Variants in PCMTD2 observed in about 807,000 individuals in gnomAD.
PCMTD2 encodes the protein protein-L-isoaspartate O-methyltransferase domain-containing protein 2.
A neutral mutation model predicts 33.4 loss-of-function variants in PCMTD2; 16 were observed. The ratio of observed to expected loss-of-function variants is 0.48; its 90% CI spans 0.32 to 0.73. The LOEUF (loss-of-function observed/expected upper bound fraction) is 0.73, where lower values mean the gene tolerates loss of function less well. PCMTD2 is among the 30% of genes least tolerant of loss of function. PCMTD2 has a pLI of 0.03. For missense variants in PCMTD2, 374 were observed against 449.9 expected (o/e 0.83, Z 1.53); for synonymous variants, 161 against 160.8 (o/e 1.00, Z -0.01).
chr20:64,258,912 G>A (rs1014271248), intron 1 of PCMTD2: 1 of 152,320 alleles, frequency 6.6e-6, no homozygotes, highest in South Asian at 2.1e-4. Context: ...GGATATTTTT[G>A]TAGTTTTAAG....
chr20:64,269,428 G>C (rs548491718), intron 5 of PCMTD2, among the ~76,000 whole-genome samples: 1 of 152,202 alleles, frequency 6.6e-6, no homozygotes, highest in African/African-American at 2.4e-5. Flanking sequence ...GGGCAGTTTG[G>C]ATGCTTGTTT....
chr20:64,259,592 G>A (rs1184130952), intron 1 of PCMTD2, among the ~76,000 whole-genome samples: 2 of 152,032 alleles, frequency 1.3e-5, no homozygotes, highest in African/African-American at 4.8e-5. Context: ...GTTTCACCAT[G>A]TTGGCCAGGC....
chr20:64,259,616 C>T (rs1985316549), intron 1 of PCMTD2, among the ~76,000 whole-genome samples: 1 of 152,086 alleles, frequency 6.6e-6, no homozygotes, highest in African/African-American at 2.4e-5. Flanking sequence ...TCTTGAACTC[C>T]TGACCTCAGG....
rs143358137 is a variant in PCMTD2 at position 64,267,952 on chromosome 20, T to G, written c.648T>G (p.Phe216Leu). The G allele has an allele frequency of 6.2e-7, 1 of 1,613,658 alleles. No individual in the cohort carries two copies. Among genetic ancestry groups the G allele is most frequent in the Admixed American group, 1.7e-5 (1 of 60,012 alleles). Residue 216 changes from phenylalanine (F) to leucine (L), a missense_variant, in exon 5 of 6, where the codon TTT (phenylalanine) becomes TTG (leucine). Coordinates refer to ENST00000308824, the MANE Select transcript of PCMTD2 (RefSeq NM_018257.3). ...CCAAAAAGATTCTTGCTGTTTCTTT[T>G]GCTCCTCTGATCCAGCCCTGCCATT... Reference protein sequence around the residue: ...WETKKILAVSFAPLIQPCHSE... With the variant: ...WETKKILAVSLAPLIQPCHSE...
intron 5 of PCMTD2, among the ~76,000 whole-genome samples, chr20:64,268,574 T>A (rs946104628): frequency 2.0e-5 from 3 of 152,034 alleles, no homozygotes; most frequent in Non-Finnish European, 2.9e-5. Flanking sequence ...CAGCAAAACC[T>A]CCTAATGTTT....
intron 2 of PCMTD2, among the ~76,000 whole-genome samples, chr20:64,264,070 G>A (rs1033703187): frequency 1.3e-5 from 2 of 152,246 alleles, no homozygotes; most frequent in Non-Finnish European, 2.9e-5. Flanking sequence ...ACATCTGAGT[G>A]TTCTGGGCAA....
chr20:64,268,889 G>C (rs943969424), intron 5 of PCMTD2, among the ~76,000 whole-genome samples: 2 of 152,184 alleles, frequency 1.3e-5, no homozygotes, highest in Admixed American at 6.5e-5. Flanking sequence ...ATTTGATAAT[G>C]AGCAACAATA....
At chr20:64,261,593 G>T (rs532571716) in intron 2 of PCMTD2, among the ~76,000 whole-genome samples, 1 of 124,704 alleles carries the variant, frequency 8.0e-6, no homozygotes, top group African/African-American at 3.3e-5. Flanking sequence ...GATATGGAAT[G>T]ATAATTTTGT....
Position 64,273,560 on chromosome 20 carries a change from A to G in PCMTD2, c.1046A>G (p.Asp349Gly), listed in dbSNP as rs1371314862. 6.5e-7 allele frequency: 1 copy of G among 1,531,658 alleles called. No homozygotes were observed. Among genetic ancestry groups the G allele is most frequent in the East Asian group, 2.3e-5 (1 of 44,316 alleles). 94.9% of individuals were successfully genotyped at this position (1,531,658 alleles called of 1,614,324 possible). ...RQKVLSLPLP[D>G]PLKYYLLYYR... Reference sequence around the variant, plus strand: ...AAGGTCCTGAGCCTCCCTCTGCCAGATCCCCTGAAATACTACTTGCTTTAT... The same window carrying G: ...AAGGTCCTGAGCCTCCCTCTGCCAGGTCCCCTGAAATACTACTTGCTTTAT... The change falls in exon 6 of 6, where the codon GAT becomes GGT. Residue 349 changes from aspartate to glycine, a missense_variant. Transcript: ENST00000308824.
Position 64,260,055 on chromosome 20 carries a change from G to T in PCMTD2, c.90G>T (p.Glu30Asp). ...EAQYIRTELV[E>D]QAFRAIDRAD... ...AGTATATCCGGACTGAGCTGGTAGA[G>T]CAGGCTTTCAGAGCTATCGATCGTG... is the stretch of plus-strand genomic sequence containing the variant. Residue 30 changes from glutamate (E) to aspartate (D), a missense_variant, in exon 2 of 6, where the codon GAG becomes GAT. Transcript: ENST00000308824. 6.2e-7 allele frequency: 1 copy of T among 1,611,260 alleles called. No individual in the cohort carries two copies. Among genetic ancestry groups the T allele is most frequent in the Non-Finnish European group, 8.5e-7 (1 of 1,177,362 alleles).
At chr20:64,263,502 A>G (rs1008230819) in intron 2 of PCMTD2, among the ~76,000 whole-genome samples, 2 of 152,202 alleles carry the variant, frequency 1.3e-5, no homozygotes, top group African/African-American at 4.8e-5. Flanking sequence ...TCACTGTAGT[A>G]GTATATCTGT....
At position 64,261,151 on chromosome 20, in the gene PCMTD2, A is replaced by C. The variant is rs140746430; in HGVS notation, c.307+879A>C. On this transcript the variant is annotated intron_variant, in intron 2 of 5. Transcript: ENST00000308824. Reference sequence around the variant, plus strand: ...ATGGCTATTTTTAATAATAGCAGATAACTAAGGAAAAACATCACTTGGTGC... The same window carrying C: ...ATGGCTATTTTTAATAATAGCAGATCACTAAGGAAAAACATCACTTGGTGC... 2.3e-3 allele frequency among the ~76,000 whole-genome samples: 356 copies of C among 152,342 alleles called. 2 individuals are homozygous for C. The highest frequency in any genetic ancestry group is 0.02 in the Middle Eastern group (6 of 294).
rs1464083779 is a variant in PCMTD2, at chr20:64,273,447, T to C, written c.933T>C (p.Cys311=). 5 of 1,613,574 alleles carry C rather than the reference T, an allele frequency of 3.1e-6. No individual in the cohort carries two copies. Among genetic ancestry groups the C allele is most frequent in the Non-Finnish European group, 3.4e-6 (4 of 1,179,916 alleles). The part of the protein sequence containing the change: ...RISNPSDDNS[C]EDLEEERREE... ...CCAACCCCTCAGATGACAACAGCTG[T>C]GAAGACTTGGAAGAGGAACGGAGGG... is the stretch of plus-strand genomic sequence containing the variant. Residue 311 remains cysteine, a synonymous_variant, in exon 6 of 6, where the codon TGT becomes TGC. Transcript: ENST00000308824.
chr20:64,272,245 G>T (rs542906415), intron 5 of PCMTD2: 5 of 338,410 alleles, frequency 1.5e-5, no homozygotes, highest in South Asian at 1.2e-4. Flanking sequence ...TAAACGTTGT[G>T]CACAACACAA....
At chr20:64,271,536 G>C (rs1453885170) in intron 5 of PCMTD2, 2 of 152,568 alleles carry the variant, frequency 1.3e-5, no homozygotes, top group African/African-American at 4.8e-5. Context: ...GTAGACCTGG[G>C]TCTGTGGGAG....
chr20:64,268,153 T>TAAACGTTGTTTGATAA, intron 5 of PCMTD2, 143 bp downstream of exon 5: 1 of 563,364 alleles, frequency 1.8e-6, no homozygotes, highest in Non-Finnish European at 3.1e-6. Context: ...CTACAAGCAA[T>TAAACGTTGTTTGATAA]TTCAGGCATT....
intron 5 of PCMTD2, among the ~76,000 whole-genome samples, chr20:64,269,986 C>A (rs1299664173): frequency 8.4e-6 from 1 of 118,970 alleles, no homozygotes; most frequent in Middle Eastern, 7.8e-3. Context: ...CCTGTGAGTG[C>A]GGGTGTGCAC....
Position 64,271,966 on chromosome 20 carries a change from T to C in PCMTD2, c.707-1255T>C, listed in dbSNP as rs971701653. 20 of 318,886 alleles carry C rather than the reference T, an allele frequency of 6.3e-5. No individual in the cohort carries two copies. In the Admixed American group the frequency reaches 6.6e-4, roughly 10 times the overall value. The allele number at this position is 318,886 out of a possible 1,614,324, so 19.8% of individuals were successfully genotyped here. ...ATGAAGGAAGGAAGGATGGCTGTAC[T>C]TGAGGAGGGAGCCGGGTCACAGATG... On this transcript the variant is annotated intron_variant, in intron 5 of 5. Coordinates refer to ENST00000308824, the MANE Select transcript of PCMTD2 (RefSeq NM_018257.3).
At position 64,273,598 on chromosome 20, in the gene PCMTD2, T is replaced by C; in HGVS notation, c.1084T>C (p.Ter362GlnextTer25). ...KYYLLYYREK[*>Q] ...CTACTTGCTTTATTACAGAGAAAAA[T>C]AAGTCTCCTGTTTGAAAGGGGGAAA... The change falls in exon 6 of 6, where the codon TAA becomes CAA. Residue 362 changes from the stop codon to glutamine (Q), a stop_lost. Transcript: ENST00000308824. 6.6e-7 allele frequency: 1 copy of C among 1,514,876 alleles called. No homozygotes were observed. The highest frequency in any genetic ancestry group is 8.8e-7 in the Non-Finnish European group (1 of 1,134,828). The allele number at this position is 1,514,876 out of a possible 1,614,324, so 93.8% of individuals were successfully genotyped here. A position where few individuals can be genotyped will look rare whatever the true frequency, so the allele number is the denominator to read the frequency against.
Sources: gnomAD v4.1 joint callset for allele counts (sites outside exome capture counted in the v4.1 genomes callset) on GRCh38, gnomAD v4.1.1 for gene constraint, MANE v1.5 for transcripts, NCBI Gene and HGNC (gene_info 2026-07-23, HGNC 2026-07-21) for gene names.